KLF12: variants seen among roughly 807,000 people sequenced by gnomAD.
KLF12 encodes KLF transcription factor 12, also known as Krueppel-like factor 12.
Under a neutral mutation model 37.8 loss-of-function variants are expected in KLF12, and 9 were observed. The observed-to-expected ratio is 0.24, with a 90% confidence interval of 0.14 to 0.42. The LOEUF (loss-of-function observed/expected upper bound fraction) is 0.42. Ranked by LOEUF, KLF12 falls within the 10% of genes least tolerant of loss-of-function variation. The pLI, the probability that KLF12 is intolerant of heterozygous loss-of-function variation, is 1.00. For missense variants in KLF12, 411 were observed against 516.0 expected (o/e 0.80, Z 1.97); for synonymous variants, 208 against 202.1 (o/e 1.03, Z -0.25).
At chr13:73,955,562 A>G (rs3850049) in intron 2 of KLF12, among the ~76,000 whole-genome samples, 111,159 of 152,096 alleles carry the variant, frequency 0.73, 41,330 homozygotes, top group East Asian at 0.89. Flanking sequence ...TCTGACTACT[A>G]AAGACAACCA....
chr13:73,914,575 C>CGG (rs541927178), intron 3 of KLF12, among the ~76,000 whole-genome samples: 38 of 152,020 alleles, frequency 2.5e-4, no homozygotes, highest in Non-Finnish European at 4.3e-4. Flanking sequence ...ATGAGTTGCA[C>CGG]GGGTGAAGCA....
At chr13:73,728,924 T>C (rs554137368) in intron 6 of KLF12, among the ~76,000 whole-genome samples, 1 of 152,212 alleles carries the variant, frequency 6.6e-6, no homozygotes, top group African/African-American at 2.4e-5. Flanking sequence ...AAGAATAAGT[T>C]AGCAAGAGTT....
intron 5 of KLF12, among the ~76,000 whole-genome samples, chr13:73,776,664 T>G (rs1880627195): frequency 6.6e-6 from 1 of 152,204 alleles, no homozygotes; most frequent in South Asian, 2.1e-4. Context: ...TTTCCACTGC[T>G]TCATGCAGGA....
In KLF12 at chr13:73,939,735, A is replaced by G. The variant is rs201782338; in HGVS notation, c.123+4246T>C. Among the ~76,000 whole-genome samples the G allele has an allele frequency of 1.8e-4, 28 of 152,260 alleles. No individual in the cohort carries two copies. The East Asian group carries it at 5.4e-3, about 29-fold the overall frequency. ...GGTGGTTAATTCCATCTTCCAGGTG[A>G]GTAGGATTAAAGGAGAGAGACTAAG... On this transcript the variant is annotated intron_variant, in intron 3 of 7. Coordinates refer to ENST00000377669, the MANE Select transcript of KLF12 (RefSeq NM_007249.5).
intron 2 of KLF12, among the ~76,000 whole-genome samples, chr13:73,972,675 C>T (rs61959771): frequency 1.1e-4 from 17 of 149,068 alleles, no homozygotes; most frequent in African/African-American, 2.5e-4. Context: ...AAACAAATAA[C>T]CGGCAGATCG....
chr13:73,910,190 C>G (rs1416217624), intron 3 of KLF12, among the ~76,000 whole-genome samples: 2 of 152,004 alleles, frequency 1.3e-5, no homozygotes, highest in East Asian at 3.9e-4. Flanking sequence ...CATATTTGCT[C>G]CAAATTAACA....
chr13:74,269,808 C>A, the KLF12 span, among the ~76,000 whole-genome samples: 1 of 152,106 alleles, frequency 6.6e-6, no homozygotes, highest in Non-Finnish European at 1.5e-5. Flanking sequence ...TGTGCGTGAT[C>A]TAAATTTGGA....
chr13:74,206,646 T>C, the KLF12 span, among the ~76,000 whole-genome samples: 1 of 152,188 alleles, frequency 6.6e-6, no homozygotes, highest in African/African-American at 2.4e-5. Context: ...TAAAAAGTGT[T>C]GGTTCTAGAA....
intron 3 of KLF12, among the ~76,000 whole-genome samples, chr13:73,871,416 C>T (rs1198198935): frequency 6.6e-6 from 1 of 152,094 alleles, no homozygotes; most frequent in Non-Finnish European, 1.5e-5. Context: ...CTGTACCATA[C>T]ACTAACTGAC....
intron 1 of KLF12, among the ~76,000 whole-genome samples, chr13:74,047,745 T>C (rs1023546355): frequency 1.3e-5 from 2 of 152,182 alleles, no homozygotes; most frequent in Non-Finnish European, 1.5e-5. Context: ...CTAAGGATAC[T>C]AGTCAAATTG....
chr13:74,160,549 G>T, the KLF12 span, among the ~76,000 whole-genome samples: 1 of 152,180 alleles, frequency 6.6e-6, no homozygotes, highest in Non-Finnish European at 1.5e-5. Context: ...AACAAATAAA[G>T]TGTCTTTATG....
intron 5 of KLF12, among the ~76,000 whole-genome samples, chr13:73,794,227 G>A (rs1881839654): frequency 1.3e-5 from 2 of 152,222 alleles, no homozygotes; most frequent in African/African-American, 2.4e-5. Flanking sequence ...TTGGGAGGCC[G>A]AGGCAGGCGG....
chr13:73,796,513 G>GC (rs1881978388), intron 5 of KLF12, among the ~76,000 whole-genome samples: 1 of 103,274 alleles, frequency 9.7e-6, no homozygotes, highest in Non-Finnish European at 2.0e-5. Context: ...TGTGCTGTGT[G>GC]TGTGTGTGTG....
chr13:74,237,444 T>C, the KLF12 span, among the ~76,000 whole-genome samples: 1 of 136,596 alleles, frequency 7.3e-6, no homozygotes, highest in Non-Finnish European at 1.5e-5. Context: ...TGGTTCCATA[T>C]GAACTTTAAA....
At chr13:73,805,668 GGAAGGAAGGAAGGAAGGAAGGA>G (rs1882560082) in intron 5 of KLF12, among the ~76,000 whole-genome samples, 1 of 104,090 alleles carries the variant, frequency 9.6e-6, no homozygotes, top group Non-Finnish European at 2.0e-5. Context: ...AAGGAAGGAA[GGAAGGAAGGAAGGAAGGAAGGA>G]AGGAAGGAAG....
intron 2 of KLF12, among the ~76,000 whole-genome samples, chr13:73,979,549 T>C (rs1187729718): frequency 6.6e-6 from 1 of 151,012 alleles, no homozygotes; most frequent in Non-Finnish European, 1.5e-5. Context: ...AGAAGAAAGA[T>C]ACAATGGAAA....
At chr13:74,019,140 T>C (rs1230667619) in intron 1 of KLF12, among the ~76,000 whole-genome samples, 1 of 152,212 alleles carries the variant, frequency 6.6e-6, no homozygotes, top group African/African-American at 2.4e-5. Context: ...AGTCTTATTT[T>C]AGGAACATTT....
At chr13:74,021,938 C>T (rs1225046338) in intron 1 of KLF12, among the ~76,000 whole-genome samples, 1 of 152,110 alleles carries the variant, frequency 6.6e-6, no homozygotes, top group Admixed American at 6.5e-5. Context: ...TGAGGTCTCC[C>T]TAATGTGGTC....
chr13:74,152,106 A>C, the KLF12 span, among the ~76,000 whole-genome samples: 1 of 152,188 alleles, frequency 6.6e-6, no homozygotes, highest in Non-Finnish European at 1.5e-5. Context: ...CAGTCCTTTA[A>C]TGAAGAAAAA....
Sources: allele counts gnomAD v4.1 joint callset (sites outside exome capture counted in the v4.1 genomes callset), GRCh38; gene constraint gnomAD v4.1.1; transcripts MANE v1.5; gene names NCBI Gene and HGNC (gene_info 2026-07-23, HGNC 2026-07-21).